AASDH: variants seen among roughly 807,000 people sequenced by gnomAD.
AASDH encodes the protein aminoadipate-semialdehyde dehydrogenase, also known as beta-alanine-activating enzyme.
Under a neutral mutation model 102.3 loss-of-function variants are expected in AASDH, and 81 were observed. The ratio of observed to expected loss-of-function variants is 0.79; its 90% CI spans 0.66 to 0.95. The LOEUF (loss-of-function observed/expected upper bound fraction) is 0.95, where lower values mean the gene tolerates loss of function less well. AASDH is among the 40% of genes least tolerant of loss of function. The pLI is 0.00. For missense variants in AASDH, 1,203 were observed against 1,266.2 expected (o/e 0.95, Z 0.76); for synonymous variants, 398 against 454.0 (o/e 0.88, Z 1.57).
intron 5 of AASDH, among the ~76,000 whole-genome samples, chr4:56,367,205 A>G (rs1210049605): frequency 6.6e-6 from 1 of 151,940 alleles, no homozygotes; most frequent in African/African-American, 2.4e-5. Context: ...CCACTGCTCA[A>G]TGAAATAAAA....
In AASDH at chr4:56,349,721, G is replaced by A. The variant is rs757189410; in HGVS notation, c.2030C>T (p.Ala677Val). The part of the protein sequence containing the change: ...MTFTCHNEIN[A>V]FVVLSRGSQI... ...ACTCCCTCTGCTCAGTACAACAAAA[G>A]CATTAATCTCATTGTGGCAAGTGAA... Residue 677 changes from alanine to valine, a missense_variant, in exon 11 of 15, where the codon GCT becomes GTT. Transcript: ENST00000205214. The A allele has an allele frequency of 1.2e-6, 2 of 1,614,030 alleles. No homozygotes were observed. The highest frequency in any genetic ancestry group is 1.7e-6 in the Non-Finnish European group (2 of 1,180,038).
intron 7 of AASDH, among the ~76,000 whole-genome samples, 166 bp from the exon 8 acceptor site, chr4:56,354,377 GTAAA>G (rs1749353122): frequency 6.6e-6 from 1 of 151,956 alleles, no homozygotes; most frequent in South Asian, 2.1e-4. Flanking sequence ...AATAAGTTCA[GTAAA>G]TAAGCAGAGA....
intron 5 of AASDH, among the ~76,000 whole-genome samples, chr4:56,360,886 A>C (rs116141606): frequency 0.013 from 1,962 of 152,272 alleles, 48 homozygotes; most frequent in African/African-American, 0.045. Flanking sequence ...TCTGGTTTTT[A>C]GTAATAAATT....
chr4:56,356,325 G>A (rs376463857), intron 5 of AASDH: 69 of 1,493,868 alleles, frequency 4.6e-5, no homozygotes, highest in East Asian at 3.2e-4. Context: ...AGGTTGCAGC[G>A]GCAGAGAGCC....
chr4:56,338,576 T>C lies in AASDH; in HGVS notation c.3123A>G (p.Ala1041=). The C allele has an allele frequency of 6.2e-7, 1 of 1,614,226 alleles. No homozygotes were observed. The highest frequency in any genetic ancestry group is 8.5e-7 in the Non-Finnish European group (1 of 1,180,036). Residue 1041 remains alanine (A), a synonymous_variant, in exon 15 of 15, where the codon GCA becomes GCG. Transcript: ENST00000205214. The stretch of plus-strand genomic sequence containing the variant: ...AGATCCACACTTTCCCATCAGTAGA[T>C]GCTGCTGCCAGCAACATTTCATTGC... ...NGSNEMLLAA[A]STDGKVWILE...
chr4:56,356,590 C>A, intron 5 of AASDH: 1 of 735,198 alleles, frequency 1.4e-6, no homozygotes, highest in East Asian at 2.6e-5. Context: ...AAAGAAAGCT[C>A]AGCTGGTGGT....
intron 4 of AASDH, among the ~76,000 whole-genome samples, chr4:56,376,019 C>A (rs375802590): frequency 2.8e-5 from 3 of 106,744 alleles, no homozygotes; most frequent in East Asian, 5.6e-4. Context: ...AACCGCTCAT[C>A]TTTTTTTTTT....
At chr4:56,340,776 T>C (rs1747569507) in intron 14 of AASDH, among the ~76,000 whole-genome samples, 1 of 152,144 alleles carries the variant, frequency 6.6e-6, no homozygotes, top group Admixed American at 6.5e-5. Context: ...AAACTATTCA[T>C]CCAACAAGGG....
chr4:56,363,642 C>T (rs1413176156), intron 5 of AASDH, among the ~76,000 whole-genome samples: 1 of 152,206 alleles, frequency 6.6e-6, no homozygotes, highest in African/African-American at 2.4e-5. Flanking sequence ...CAAACTCTAA[C>T]AGACCTGCAG....
intron 5 of AASDH, among the ~76,000 whole-genome samples, chr4:56,360,709 T>C (rs1302818582): frequency 6.6e-6 from 1 of 152,168 alleles, no homozygotes; most frequent in Non-Finnish European, 1.5e-5. Flanking sequence ...AAAAGTCACA[T>C]GGGAATAAAG....
intron 9 of AASDH, among the ~76,000 whole-genome samples, chr4:56,352,327 T>C (rs572116225): frequency 9.1e-4 from 139 of 152,210 alleles, no homozygotes; most frequent in Non-Finnish European, 1.7e-3. Context: ...GTAAAGTAGA[T>C]TGGGCATCAT....
At chr4:56,356,368 C>T (rs4864580) in intron 5 of AASDH, 14 of 1,574,782 alleles carry the variant, frequency 8.9e-6, no homozygotes, top group Non-Finnish European at 1.1e-5. Context: ...GTGCCTCCTG[C>T]GATTAACCAG....
chr4:56,375,500 C>A (rs559378102), intron 4 of AASDH, among the ~76,000 whole-genome samples: 4 of 152,086 alleles, frequency 2.6e-5, no homozygotes, highest in African/African-American at 9.7e-5. Flanking sequence ...TTCTAACAGG[C>A]AAATCAATTG....
chr4:56,373,469 G>T (rs1314548873), intron 4 of AASDH, among the ~76,000 whole-genome samples: 2 of 152,070 alleles, frequency 1.3e-5, no homozygotes, highest in African/African-American at 4.8e-5. Context: ...GTCTTTGAGG[G>T]AGAGGGGTTC....
In AASDH at chr4:56,349,626, C is replaced by G; in HGVS notation, c.2125G>C (p.Asp709His). 6.2e-7 allele frequency: 1 copy of G among 1,614,174 alleles called. No individual in the cohort carries two copies. ...LGHCSSACPS[D>H]SVSQTNIQNL... Reference sequence around the variant, plus strand: ...TGAATGTTGGTCTGTGAAACTGAGTCAGAAGGACAGGCTGAAGAGCAATGT... The same window carrying G: ...TGAATGTTGGTCTGTGAAACTGAGTGAGAAGGACAGGCTGAAGAGCAATGT... Residue 709 changes from aspartate to histidine, a missense_variant, in exon 11 of 15, where the codon GAC becomes CAC. Physicochemically the swap from Asp to His is moderately conservative, Grantham distance 81. Transcript: ENST00000205214.
At chr4:56,356,769 C>T (rs139877685) in intron 5 of AASDH, 20 of 726,546 alleles carry the variant, frequency 2.8e-5, no homozygotes, top group East Asian at 2.3e-4. Context: ...AAGACAAAGG[C>T]GTTTTGGCTA....
At chr4:56,340,504 C>G (rs890719072) in intron 14 of AASDH, among the ~76,000 whole-genome samples, 2 of 152,144 alleles carry the variant, frequency 1.3e-5, no homozygotes, top group Non-Finnish European at 2.9e-5. Flanking sequence ...ACCCCTCTCT[C>G]TCACTGCATA....
intron 5 of AASDH, among the ~76,000 whole-genome samples, chr4:56,362,887 G>T (rs1395000413): frequency 6.6e-6 from 1 of 152,142 alleles, no homozygotes; most frequent in Non-Finnish European, 1.5e-5. Context: ...CGGACAGTGG[G>T]TGCAGTGCAC....
intron 14 of AASDH, among the ~76,000 whole-genome samples, chr4:56,341,564 T>TC: frequency 6.7e-6 from 1 of 149,698 alleles, no homozygotes; most frequent in East Asian, 2.0e-4. Context: ...AGCTAATTTT[T>TC]TTTTTTTTTT....
Sources: allele counts gnomAD v4.1 joint callset (sites outside exome capture counted in the v4.1 genomes callset), GRCh38; gene constraint gnomAD v4.1.1; transcripts MANE v1.5; gene names NCBI Gene and HGNC (gene_info 2026-07-23, HGNC 2026-07-21).